GABRA1: variants seen among roughly 807,000 people sequenced by gnomAD.
GABRA1 encodes gamma-aminobutyric acid type A receptor subunit alpha1.
Under a neutral mutation model 48.9 loss-of-function variants are expected in GABRA1, and 9 were observed. The observed-to-expected ratio is 0.18, with a 90% CI of 0.11 to 0.32. The LOEUF is 0.32. GABRA1 is among the 10% of genes least tolerant of loss of function. The probability of loss-of-function intolerance (pLI) is 1.00; values close to 1 mark genes in which losing one functional copy is unlikely to be tolerated. For synonymous variants in GABRA1, 210 were observed against 198.7 expected, an observed-to-expected ratio of 1.06 and a Z score of -0.48; for missense variants, 285 against 553.8, an observed-to-expected ratio of 0.51 and a Z score of 4.87.
chr5:161,883,908 T>C (rs1007941284), intron 7 of GABRA1, among the ~76,000 whole-genome samples: 2 of 152,064 alleles, frequency 1.3e-5, no homozygotes, highest in Non-Finnish European at 2.9e-5. Flanking sequence ...GGAAACTGTT[T>C]CTCTTTTTTT....
At chr5:161,855,849 C>A (rs1757625150) in intron 3 of GABRA1, among the ~76,000 whole-genome samples, 1 of 151,266 alleles carries the variant, frequency 6.6e-6, no homozygotes, top group African/African-American at 2.4e-5. Context: ...CAGAATTTTA[C>A]AACATATTTA....
At chr5:161,868,474 C>T (rs1418977613) in intron 4 of GABRA1, among the ~76,000 whole-genome samples, 1 of 151,924 alleles carries the variant, frequency 6.6e-6, no homozygotes, top group Non-Finnish European at 1.5e-5. Flanking sequence ...CTTCTTTTTT[C>T]CCCAGTAGAA....
At chr5:161,893,048 T>TAATAAAA (rs5872733) in intron 8 of GABRA1, among the ~76,000 whole-genome samples, 117 of 142,008 alleles carry the variant, frequency 8.2e-4, no homozygotes, top group Non-Finnish European at 9.3e-4. Context: ...ATAATAATAA[T>TAATAAAA]AAAATAAACA....
chr5:161,883,076 A>T (rs1207109327), intron 7 of GABRA1, among the ~76,000 whole-genome samples: 1 of 152,206 alleles, frequency 6.6e-6, no homozygotes, highest in African/African-American at 2.4e-5. Context: ...ATTCTTAAAG[A>T]GTACTTATCA....
At chr5:161,857,636 G>A (rs779335967) in intron 3 of GABRA1, among the ~76,000 whole-genome samples, 4 of 151,566 alleles carry the variant, frequency 2.6e-5, no homozygotes, top group Admixed American at 6.6e-5. Context: ...ATTAGAATAC[G>A]TGGAATTCTA....
intron 6 of GABRA1, among the ~76,000 whole-genome samples, 181 bp downstream of exon 6, chr5:161,875,823 G>T (rs1754325217): frequency 6.6e-6 from 1 of 152,078 alleles, no homozygotes; most frequent in Non-Finnish European, 1.5e-5. Flanking sequence ...TCAAGAGAGA[G>T]CTTATTCTTT....
chr5:161,856,326 C>T (rs552823193), intron 3 of GABRA1, among the ~76,000 whole-genome samples: 16 of 151,350 alleles, frequency 1.1e-4, no homozygotes, highest in Admixed American at 3.3e-4. Flanking sequence ...CAGTTAATCC[C>T]AGAAAATAAC....
Position 161,872,984 on chromosome 5 carries a change from G to C in GABRA1, c.256-133G>C, listed in dbSNP as rs928764487. 32 of 746,182 alleles carry C rather than the reference G, an allele frequency of 4.3e-5. No individual in the cohort carries two copies. In the Admixed American group the frequency reaches 5.9e-4, roughly 14 times the overall value. The allele number at this position is 746,182 out of a possible 1,614,324, so 46.2% of individuals were successfully genotyped here. ...CATCAACATGTACATGCTATCACACGTTTACTTCTAAAAACATCACCTAGC... is the reference window on the plus strand; with the variant it reads ...CATCAACATGTACATGCTATCACACCTTTACTTCTAAAAACATCACCTAGC... On this transcript the variant is annotated intron_variant, in intron 4 of 9. Transcript: ENST00000393943.
At chr5:161,891,336 ACT>A (rs1159464563) in intron 8 of GABRA1, among the ~76,000 whole-genome samples, 1 of 152,110 alleles carries the variant, frequency 6.6e-6, no homozygotes, top group Non-Finnish European at 1.5e-5. Flanking sequence ...AATATTAAAA[ACT>A]CATAAATAAA....
intron 6 of GABRA1, 51 bp downstream of exon 6, chr5:161,875,693 A>C (rs781776935): frequency 7.7e-7 from 1 of 1,305,244 alleles, no homozygotes; most frequent in South Asian, 1.2e-5. Flanking sequence ...TAAGCAAGAG[A>C]TCTCTAGCTA....
rs1757279515 is a variant in GABRA1, at chr5:161,848,157, C to G, written c.-281C>G. 3 of 152,200 alleles carry G rather than the reference C, an allele frequency of 2.0e-5. No homozygotes were observed. 9.4% of individuals were successfully genotyped at this position (152,200 alleles called of 1,614,324 possible). ...CGGTTTGCCCTGGGACGTATTACTA[C>G]TGTCTTGGTAAAGAGAAATCTTTTG... On this transcript the variant is annotated 5_prime_UTR_variant, in exon 1 of 10. Coordinates refer to ENST00000393943, the MANE Select transcript of GABRA1 (RefSeq NM_001127644.2).
intron 6 of GABRA1, chr5:161,881,915 GA>G (rs964809632): frequency 1.4e-5 from 2 of 138,272 alleles, no homozygotes; most frequent in Non-Finnish European, 3.1e-5. Context: ...AAAAAAAAAA[GA>G]AGAAGAAGAA....
At chr5:161,863,320 T>C (rs1757931809) in intron 3 of GABRA1, among the ~76,000 whole-genome samples, 1 of 151,958 alleles carries the variant, frequency 6.6e-6, no homozygotes, top group Non-Finnish European at 1.5e-5. Flanking sequence ...GAAAACACGA[T>C]TTATTGGCTC....
At chr5:161,892,649 C>A (rs1755145288) in intron 8 of GABRA1, among the ~76,000 whole-genome samples, 1 of 151,160 alleles carries the variant, frequency 6.6e-6, no homozygotes, top group Non-Finnish European at 1.5e-5. Context: ...TATGAGTATG[C>A]CTTTTTCTCA....
intron 7 of GABRA1, 62 bp downstream of exon 7, chr5:161,882,763 T>C: frequency 6.8e-7 from 1 of 1,476,510 alleles, no homozygotes; most frequent in Non-Finnish European, 9.5e-7. Context: ...TTGTGAGAAC[T>C]CAATGAATCA....
chr5:161,893,048 T>TAA (rs3078113), intron 8 of GABRA1, among the ~76,000 whole-genome samples: 2 of 141,994 alleles, frequency 1.4e-5, no homozygotes, highest in African/African-American at 2.6e-5. Flanking sequence ...ATAATAATAA[T>TAA]AAAATAAACA....
In GABRA1 at chr5:161,899,756, C is replaced by T. The variant is rs886060373; in HGVS notation, c.*2334C>T. 5 of 152,304 alleles carry T rather than the reference C, an allele frequency of 3.3e-5. No homozygotes were observed. The South Asian group carries it at 6.2e-4, about 19-fold the overall frequency. 9.4% of individuals were successfully genotyped at this position (152,304 alleles called of 1,614,324 possible). On this transcript the variant is annotated 3_prime_UTR_variant, in exon 10 of 10. Transcript: ENST00000393943. ...TCTTATAGGGGACAGTTCCTGTTCACTCCCAGGAAACTTTTTTAAAAGATG... is the reference window on the plus strand; with the variant it reads ...TCTTATAGGGGACAGTTCCTGTTCATTCCCAGGAAACTTTTTTAAAAGATG...
In GABRA1 at chr5:161,882,624, C is replaced by A; in HGVS notation, c.626C>A (p.Ala209Glu). 6.2e-7 allele frequency: 1 copy of A among 1,613,556 alleles called. No individual in the cohort carries two copies. Among genetic ancestry groups the A allele is most frequent in the Non-Finnish European group, 8.5e-7 (1 of 1,179,674 alleles). The change falls in exon 7 of 10, where the codon GCA (alanine) becomes GAA (glutamate). Residue 209 changes from alanine to glutamate, a missense_variant. Coordinates refer to ENST00000393943, the MANE Select transcript of GABRA1 (RefSeq NM_001127644.2). ...TREPARSVVV[A>E]EDGSRLNQYD... is the part of the protein sequence containing the mutation. ...GAGCCAGCACGCTCAGTGGTTGTAG[C>A]AGAAGATGGATCACGTCTAAACCAG...
Position 161,899,878 on chromosome 5 carries a change from A to G in GABRA1, c.*2456A>G, listed in dbSNP as rs1446763141. The G allele has an allele frequency of 6.6e-6, 1 of 152,174 alleles. No homozygotes were observed. The highest frequency in any genetic ancestry group is 2.1e-4 in the South Asian group (1 of 4,838). The allele number at this position is 152,174 out of a possible 1,614,324, so 9.4% of individuals were successfully genotyped here. On this transcript the variant is annotated 3_prime_UTR_variant, in exon 10 of 10. Transcript: ENST00000393943. ...GGCAGATGCATGTGTTGCTTTACAG[A>G]GTTTAGCAAAAGCTCTTAATTTTAT...
Sources: gnomAD v4.1 joint callset for allele counts (sites outside exome capture counted in the v4.1 genomes callset) on GRCh38, gnomAD v4.1.1 for gene constraint, MANE v1.5 for transcripts, NCBI Gene and HGNC (gene_info 2026-07-23, HGNC 2026-07-21) for gene names.